The following RBM20 variants were observed in gnomAD, a reference collection of about 807,000 sequenced individuals.
RBM20 encodes the protein RNA-binding protein 20.
RBM20 carries 51 observed loss-of-function variants against 110.1 expected under a neutral mutation model. The ratio of observed to expected loss-of-function variants is 0.46; its 90% confidence interval spans 0.37 to 0.59. RBM20 has a LOEUF of 0.59. RBM20 is among the 20% of genes least tolerant of loss of function. RBM20 has a pLI of 0.00. For missense variants in RBM20, 1,512 were observed against 1,574.9 expected, an observed-to-expected ratio of 0.96 and a Z score of 0.68; for synonymous variants, 589 against 618.2, an observed-to-expected ratio of 0.95 and a Z score of 0.70.
rs1464294653 is a variant in RBM20 at position 110,821,828 on chromosome 10, G to A, written c.3209G>A (p.Gly1070Glu). ...SPFVDDCKTR[G>E]TPEDGACEGS... ...TTTGTGGATGATTGCAAGACCAGGG[G>A]GACCCCCGAAGATGGGGCTTGTGAA... is the stretch of plus-strand genomic sequence containing the variant. Residue 1070 changes from glycine to glutamate, a missense_variant, in exon 11 of 14, where the codon GGG (glycine) becomes GAG (glutamate). By Grantham distance (98) the Gly-to-Glu change is moderately conservative. Transcript: ENST00000369519. 1 of 1,551,604 alleles carries A rather than the reference G, an allele frequency of 6.4e-7. No homozygotes were observed. The highest frequency in any genetic ancestry group is 2.0e-5 in the Admixed American group (1 of 50,992).
chr10:110,831,684 A>AAC (rs1554844418), intron 13 of RBM20, among the ~76,000 whole-genome samples: 40 of 150,800 alleles, frequency 2.7e-4, no homozygotes, highest in African/African-American at 9.7e-4. Flanking sequence ...AAAAAAAAAA[A>AAC]AAAAAAACAC....
At chr10:110,831,446 T>A (rs1845050605) in intron 13 of RBM20, 1 of 381,192 alleles carries the variant, frequency 2.6e-6, no homozygotes, top group African/African-American at 2.0e-5. Flanking sequence ...GGTGGCTACC[T>A]CCTGTGTTGC....
chr10:110,672,131 G>A (rs1011452477), intron 1 of RBM20, among the ~76,000 whole-genome samples: 1 of 152,132 alleles, frequency 6.6e-6, no homozygotes, highest in Non-Finnish European at 1.5e-5. Context: ...GCTTTTACCC[G>A]GTGGGCTTCA....
intron 7 of RBM20, 102 bp downstream of exon 7, chr10:110,800,020 GA>G: frequency 8.8e-7 from 1 of 1,142,830 alleles, no homozygotes; most frequent in Non-Finnish European, 1.3e-6. Context: ...GAGAGGATAG[GA>G]AAAGATTCAG....
At chr10:110,702,354 C>A (rs1282311606) in intron 1 of RBM20, among the ~76,000 whole-genome samples, 3 of 150,920 alleles carry the variant, frequency 2.0e-5, no homozygotes, top group African/African-American at 7.3e-5. Flanking sequence ...GAGACCCCCC[C>A]ATCTCTACCA....
At chr10:110,720,724 C>T (rs920992459) in intron 1 of RBM20, among the ~76,000 whole-genome samples, 1 of 127,368 alleles carries the variant, frequency 7.9e-6, no homozygotes, top group Admixed American at 7.5e-5. Context: ...CTCTCCTAAC[C>T]CTCATCCCTG....
intron 1 of RBM20, among the ~76,000 whole-genome samples, chr10:110,668,655 G>C (rs1173218782): frequency 2.0e-5 from 3 of 152,094 alleles, no homozygotes; most frequent in African/African-American, 7.2e-5. Context: ...AGTTTGCGAT[G>C]AGTGATGAGA....
At chr10:110,778,990 T>C (rs773981352) in intron 1 of RBM20, among the ~76,000 whole-genome samples, 8 of 152,244 alleles carry the variant, frequency 5.3e-5, no homozygotes, top group Non-Finnish European at 8.8e-5. Flanking sequence ...TGTAATTTTT[T>C]GGTTATTCCT....
At chr10:110,725,993 C>T (rs993423934) in intron 1 of RBM20, among the ~76,000 whole-genome samples, 1 of 151,744 alleles carries the variant, frequency 6.6e-6, no homozygotes, top group South Asian at 2.1e-4. Context: ...GGACCCCATC[C>T]CCATCTTGGG....
intron 1 of RBM20, among the ~76,000 whole-genome samples, chr10:110,738,573 G>A (rs186331965): frequency 1.5e-4 from 23 of 152,192 alleles, no homozygotes; most frequent in Middle Eastern, 3.4e-3. Context: ...CTTACGAAAC[G>A]GTGCAACTTG....
intron 1 of RBM20, among the ~76,000 whole-genome samples, chr10:110,699,601 C>CA (rs1040151565): frequency 2.0e-5 from 3 of 151,526 alleles, no homozygotes; most frequent in African/African-American, 4.9e-5. Flanking sequence ...CAACAAAAAA[C>CA]AAAAAAAACC....
intron 1 of RBM20, among the ~76,000 whole-genome samples, chr10:110,712,735 C>T (rs1862954888): frequency 6.6e-6 from 1 of 152,192 alleles, no homozygotes; most frequent in Admixed American, 6.5e-5. Flanking sequence ...CCACTGCACT[C>T]CAGCCTGGGT....
intron 1 of RBM20, among the ~76,000 whole-genome samples, chr10:110,683,506 C>T (rs7070646): frequency 0.17 from 26,152 of 152,238 alleles, 2,524 homozygotes; most frequent in East Asian, 0.32. Context: ...CTCTCCCTAT[C>T]CTCTTATTCC....
At chr10:110,744,879 T>C (rs999980477) in intron 1 of RBM20, among the ~76,000 whole-genome samples, 2 of 152,218 alleles carry the variant, frequency 1.3e-5, no homozygotes, top group Non-Finnish European at 2.9e-5. Context: ...GCGGCCACCA[T>C]GTGGGTCAAG....
In RBM20 at chr10:110,716,116, A is replaced by G. The variant is rs554159234; in HGVS notation, c.192-64685A>G. Among the ~76,000 whole-genome samples, 3 of 152,356 alleles carry G rather than the reference A, an allele frequency of 2.0e-5. No homozygotes were observed. The South Asian group carries it at 6.2e-4, about 32-fold the overall frequency. ...GTCAAGTATGTATTGCCAATTTTCC[A>G]GTTTGGAAAAGACTAATCAATAATT... On this transcript the variant is annotated intron_variant, in intron 1 of 13. Transcript: ENST00000369519.
intron 1 of RBM20, among the ~76,000 whole-genome samples, chr10:110,686,637 A>G (rs141033594): frequency 2.1e-4 from 32 of 152,300 alleles, no homozygotes; most frequent in African/African-American, 7.7e-4. Context: ...AAAAAAAATA[A>G]TAAAATATAA....
chr10:110,659,896 A>C, intron 1 of RBM20, among the ~76,000 whole-genome samples: 1 of 142,078 alleles, frequency 7.0e-6, no homozygotes, highest in African/African-American at 2.7e-5. Flanking sequence ...CCTTACTCTC[A>C]CCCAGACTAG....
chr10:110,653,282 G>A (rs771279593), intron 1 of RBM20, among the ~76,000 whole-genome samples: 1 of 152,144 alleles, frequency 6.6e-6, no homozygotes, highest in Non-Finnish European at 1.5e-5. Context: ...CTTCAAATTT[G>A]TTTCAACCAA....
chr10:110,809,566 T>C lies in RBM20; in HGVS notation c.1801-817T>C, dbSNP rs1025617001. ...TTTAGGAAAGGGCTTTGGTCGGGAA[T>C]GGGGGGCTGGGGTTGGTCCTGTCCT... On this transcript the variant is annotated intron_variant, in intron 7 of 13. Coordinates refer to ENST00000369519, the MANE Select transcript of RBM20 (RefSeq NM_001134363.3). 5.9e-5 allele frequency among the ~76,000 whole-genome samples: 9 copies of C among 152,152 alleles called. No homozygotes were observed. The East Asian group carries it at 1.7e-3, about 29-fold the overall frequency.
Sources: gnomAD v4.1 joint callset for allele counts (sites outside exome capture counted in the v4.1 genomes callset) on GRCh38, gnomAD v4.1.1 for gene constraint, MANE v1.5 for transcripts, NCBI Gene and HGNC (gene_info 2026-07-23, HGNC 2026-07-21) for gene names.